CADPS2: variants seen among roughly 807,000 people sequenced by gnomAD.
The protein encoded by CADPS2 is calcium-dependent secretion activator 2.
CADPS2 carries 93 observed loss-of-function variants against 172.5 expected under a neutral mutation model. The observed-to-expected ratio is 0.54, with a 90% confidence interval of 0.46 to 0.64. The LOEUF (loss-of-function observed/expected upper bound fraction) is 0.64, where lower values mean the gene tolerates loss of function less well. CADPS2 is among the 30% of genes least tolerant of loss of function. The pLI is 0.00. For synonymous variants in CADPS2, 546 were observed against 555.2 expected (o/e 0.98, Z 0.23); for missense variants, 1,420 against 1,565.9 (o/e 0.91, Z 1.57).
chr7:122,500,035 C>T (rs1033526984), intron 9 of CADPS2, among the ~76,000 whole-genome samples: 5 of 152,148 alleles, frequency 3.3e-5, no homozygotes, highest in African/African-American at 1.2e-4. Flanking sequence ...CTATAGCTAC[C>T]GCTGTGTAAA....
chr7:122,453,138 C>A (rs539609945), intron 14 of CADPS2, among the ~76,000 whole-genome samples: 3 of 152,052 alleles, frequency 2.0e-5, no homozygotes, highest in African/African-American at 7.2e-5. Flanking sequence ...GGAAACATTA[C>A]TTAATTTCAT....
At chr7:122,416,841 C>T (rs73431526) in intron 17 of CADPS2, among the ~76,000 whole-genome samples, 2,607 of 152,248 alleles carry the variant, frequency 0.017, 43 homozygotes, top group East Asian at 0.038. Context: ...GTGCAGTTAC[C>T]TGAAATTCTG....
chr7:122,645,417 G>A (rs868699539), intron 3 of CADPS2, among the ~76,000 whole-genome samples: 34 of 59,196 alleles, frequency 5.7e-4, no homozygotes, highest in East Asian at 3.5e-3. Context: ...ATACACACAT[G>A]TATATGTGTG....
intron 12 of CADPS2, 79 bp downstream of exon 12, chr7:122,480,773 A>T: frequency 1.0e-6 from 1 of 968,236 alleles, no homozygotes; most frequent in East Asian, 2.7e-5. Context: ...CCTGTAAACA[A>T]GATCATGATA....
intron 18 of CADPS2, among the ~76,000 whole-genome samples, chr7:122,414,978 C>T (rs2047714756): frequency 1.3e-5 from 2 of 152,144 alleles, no homozygotes; most frequent in Non-Finnish European, 2.9e-5. Context: ...TACACATTCT[C>T]CCCACCCAAC....
intron 2 of CADPS2, among the ~76,000 whole-genome samples, chr7:122,705,314 A>G (rs1320488006): frequency 6.6e-6 from 1 of 150,796 alleles, no homozygotes; most frequent in African/African-American, 2.4e-5. Context: ...CTTTTAGATC[A>G]TTTATTCAAT....
intron 7 of CADPS2, among the ~76,000 whole-genome samples, chr7:122,579,697 C>T (rs2068552527): frequency 6.6e-6 from 1 of 151,384 alleles, no homozygotes; most frequent in Non-Finnish European, 1.5e-5. Context: ...ATAAAAAGAC[C>T]ATATGTTGTC....
chr7:122,692,974 G>A (rs889619889), intron 2 of CADPS2, among the ~76,000 whole-genome samples: 31 of 152,302 alleles, frequency 2.0e-4, no homozygotes, highest in Admixed American at 1.8e-3. Context: ...GACAATAGTG[G>A]CTTAGAGCCA....
At chr7:122,885,522 T>C (rs1335717786) in intron 1 of CADPS2, among the ~76,000 whole-genome samples, 1 of 152,166 alleles carries the variant, frequency 6.6e-6, no homozygotes, top group East Asian at 1.9e-4. Flanking sequence ...CCCTCTTAAG[T>C]GAAGACTTCA....
intron 2 of CADPS2, among the ~76,000 whole-genome samples, chr7:122,722,829 G>C (rs1407429353): frequency 6.6e-6 from 1 of 151,688 alleles, no homozygotes; most frequent in Non-Finnish European, 1.5e-5. Context: ...TACCAAAACA[G>C]AGATATAGAT....
chr7:122,402,179 C>A (rs2046037330), intron 20 of CADPS2, among the ~76,000 whole-genome samples: 1 of 152,156 alleles, frequency 6.6e-6, no homozygotes, highest in African/African-American at 2.4e-5. Context: ...CCTTTCTGTA[C>A]TCTTTAACCA....
At chr7:122,389,111 C>A (rs971748910) in intron 22 of CADPS2, among the ~76,000 whole-genome samples, 3 of 151,876 alleles carry the variant, frequency 2.0e-5, no homozygotes, top group Non-Finnish European at 2.9e-5. Flanking sequence ...CAAGAAAATC[C>A]TTATGTTAGT....
intron 1 of CADPS2, among the ~76,000 whole-genome samples, chr7:122,822,039 T>C (rs375057872): frequency 1.3e-5 from 2 of 152,178 alleles, no homozygotes; most frequent in South Asian, 2.1e-4. Flanking sequence ...CAACTACTCA[T>C]ACACGCCCTG....
intron 8 of CADPS2, among the ~76,000 whole-genome samples, chr7:122,548,411 T>C (rs1416830529): frequency 2.0e-5 from 3 of 151,744 alleles, no homozygotes; most frequent in African/African-American, 7.3e-5. Context: ...GAATCACACA[T>C]AAAACTATAA....
chr7:122,783,323 AT>A (rs1793244031), intron 1 of CADPS2, among the ~76,000 whole-genome samples: 1 of 151,866 alleles, frequency 6.6e-6, no homozygotes, highest in African/African-American at 2.4e-5. Flanking sequence ...ATTGTGGTTG[AT>A]TTTATTCCTT....
chr7:122,868,627 G>A (rs1818906733), intron 1 of CADPS2, among the ~76,000 whole-genome samples: 2 of 152,122 alleles, frequency 1.3e-5, no homozygotes, highest in Non-Finnish European at 2.9e-5. Flanking sequence ...AGGAAGGGGT[G>A]GTTCTCTTAT....
intron 2 of CADPS2, among the ~76,000 whole-genome samples, chr7:122,712,998 G>A (rs1041773645): frequency 3.3e-5 from 5 of 151,818 alleles, no homozygotes; most frequent in African/African-American, 4.8e-5. Flanking sequence ...TTCAGGTTAC[G>A]GCACACACAA....
chr7:122,843,015 G>C (rs1243646472), intron 1 of CADPS2, among the ~76,000 whole-genome samples: 1 of 152,174 alleles, frequency 6.6e-6, no homozygotes, highest in Admixed American at 6.5e-5. Flanking sequence ...TATCATATTT[G>C]AATGTGGAAG....
chr7:122,420,170 C>T lies in CADPS2; in HGVS notation c.2477-4006G>A, dbSNP rs116084767. ...AATTACTATAATTCTTTTTCATTTT[C>T]AACTTTCTGAATAAAAATCACACAC... On this transcript the variant is annotated intron_variant, in intron 17 of 29. Transcript: ENST00000449022. 2.5e-3 allele frequency among the ~76,000 whole-genome samples: 379 copies of T among 152,182 alleles called. 3 individuals are homozygous for T. Among genetic ancestry groups the T allele is most frequent in the African/African-American group, 8.7e-3 (360 of 41,550 alleles).
Sources: gnomAD v4.1 joint callset for allele counts (sites outside exome capture counted in the v4.1 genomes callset) on GRCh38, gnomAD v4.1.1 for gene constraint, MANE v1.5 for transcripts, NCBI Gene and HGNC (gene_info 2026-07-23, HGNC 2026-07-21) for gene names.